Variants in DNAI7 observed in about 807,000 individuals in gnomAD.
The protein encoded by DNAI7 is cancer susceptibility 1.
DNAI7 carries 78 observed loss-of-function variants against 86.6 expected under a neutral mutation model. The observed-to-expected ratio is 0.90, with a 90% CI of 0.75 to 1.09. DNAI7 has a LOEUF of 1.09. Ranked by LOEUF, DNAI7 falls within the 50% of genes least tolerant of loss-of-function variation. The pLI, the probability that DNAI7 is intolerant of heterozygous loss-of-function variation, is 0.00. For synonymous variants in DNAI7, 274 were observed against 273.0 expected (o/e 1.00, Z -0.04); for missense variants, 753 against 810.2 (o/e 0.93, Z 0.86).
At chr12:25,128,190 C>T (rs1413346562) in intron 9 of DNAI7, among the ~76,000 whole-genome samples, 1 of 152,160 alleles carries the variant, frequency 6.6e-6, no homozygotes, top group Non-Finnish European at 1.5e-5. Flanking sequence ...TATTATCCAT[C>T]AACAGAAGAT....
chr12:25,166,740 C>G (rs564404283), intron 2 of DNAI7, among the ~76,000 whole-genome samples: 25 of 152,338 alleles, frequency 1.6e-4, no homozygotes, highest in African/African-American at 6.0e-4. Context: ...TGTAGCCTTT[C>G]TGTCCAACTT....
chr12:25,147,476 A>ACCCG (rs139493103), intron 7 of DNAI7, among the ~76,000 whole-genome samples: 6 of 148,114 alleles, frequency 4.1e-5, no homozygotes, highest in Non-Finnish European at 7.5e-5. Context: ...ACATAATGAG[A>ACCCG]CCACCCCCAT....
At chr12:25,134,891 G>A (rs1242041525) in intron 9 of DNAI7, among the ~76,000 whole-genome samples, 1 of 152,160 alleles carries the variant, frequency 6.6e-6, no homozygotes, top group Non-Finnish European at 1.5e-5. Context: ...TCACTATGCA[G>A]TCAGTATTGT....
At chr12:25,116,126 G>A (rs1940042702) in intron 12 of DNAI7, among the ~76,000 whole-genome samples, 2 of 147,020 alleles carry the variant, frequency 1.4e-5, no homozygotes, top group Non-Finnish European at 3.0e-5. Context: ...CATCTTTATA[G>A]GACAAATAAA....
Position 25,180,780 on chromosome 12 carries a change from T to TAACTC in DNAI7, c.21+9829_21+9833dup, listed in dbSNP as rs530216652. On this transcript the variant is annotated intron_variant, in intron 2 of 15. Coordinates refer to ENST00000395987, the MANE Select transcript of DNAI7 (RefSeq NM_018272.5). Reference sequence around the variant, plus strand: ...CCTAACTCTTAACATATATAAAAATTAACTCAAGATGGATTAAAGACTTAA... The same window carrying TAACTC: ...CCTAACTCTTAACATATATAAAAATTAACTCAACTCAAGATGGATTAAAGACTTAA... Among the ~76,000 whole-genome samples the TAACTC allele has an allele frequency of 3.2e-3, 494 of 152,150 alleles. 2 individuals are homozygous for TAACTC. Among genetic ancestry groups the TAACTC allele is most frequent in the African/African-American group, 0.012 (478 of 41,510 alleles).
At chr12:25,194,093 TA>T (rs1243284837) in intron 1 of DNAI7, among the ~76,000 whole-genome samples, 2 of 152,172 alleles carry the variant, frequency 1.3e-5, no homozygotes, top group Admixed American at 1.3e-4. Context: ...GTGCTGGGAT[TA>T]CAGGGGTGAG....
chr12:25,152,558 T>C (rs1198162604), intron 6 of DNAI7, among the ~76,000 whole-genome samples: 3 of 152,236 alleles, frequency 2.0e-5, no homozygotes, highest in Non-Finnish European at 4.4e-5. Context: ...CTTGTATCTT[T>C]TGTAATATCC....
intron 9 of DNAI7, among the ~76,000 whole-genome samples, chr12:25,142,993 G>A (rs1944388275): frequency 6.6e-6 from 1 of 152,088 alleles, no homozygotes; most frequent in South Asian, 2.1e-4. Context: ...AACTATCTGA[G>A]AGTTCACATG....
chr12:25,110,246 A>C lies in DNAI7; in HGVS notation c.1780-6T>G. 1.3e-6 allele frequency: 2 copies of C among 1,511,126 alleles called. No individual in the cohort carries two copies. Among genetic ancestry groups the C allele is most frequent in the South Asian group, 2.3e-5 (2 of 88,260 alleles). The allele number at this position is 1,511,126 out of a possible 1,614,324, so 93.6% of individuals were successfully genotyped here. A position where few individuals can be genotyped will look rare whatever the true frequency, so the allele number is the denominator to read the frequency against. ...TTCACTTCTACCAAAGGAACCTGTC[A>C]ATATAAAAACAAATAGAATTGATCT... On this transcript the variant is annotated splice_polypyrimidine_tract_variant and splice_region_variant and intron_variant, in intron 14 of 15. Coordinates refer to ENST00000395987, the MANE Select transcript of DNAI7 (RefSeq NM_018272.5).
At chr12:25,153,094 G>A (rs1287707939) in intron 6 of DNAI7, among the ~76,000 whole-genome samples, 2 of 151,910 alleles carry the variant, frequency 1.3e-5, no homozygotes, top group Non-Finnish European at 2.9e-5. Flanking sequence ...TCTCTGTGCT[G>A]TCTTCTGGTA....
At chr12:25,176,306 A>G (rs1202749499) in intron 2 of DNAI7, among the ~76,000 whole-genome samples, 1 of 152,112 alleles carries the variant, frequency 6.6e-6, no homozygotes, top group Non-Finnish European at 1.5e-5. Flanking sequence ...TTTAAATTAA[A>G]AAATTTATTT....
chr12:25,178,986 T>C (rs142136313), intron 2 of DNAI7, among the ~76,000 whole-genome samples: 298 of 152,256 alleles, frequency 2.0e-3, no homozygotes, highest in African/African-American at 6.5e-3. Context: ...CTAGGATCAT[T>C]AATTTTTAGC....
Position 25,158,554 on chromosome 12 carries a change from C to T in DNAI7, c.116G>A (p.Arg39His), listed in dbSNP as rs202093604. ...ERRLKEEEEARLKYEKEEMER... is the reference protein window; with the variant it reads ...ERRLKEEEEAHLKYEKEEMER... ...CATTTCTTCTTTCTCATATTTCAAA[C>T]GGGCTTCCTCTAAAGAACCAAAAAT... Residue 39 changes from arginine (R) to histidine (H), a missense_variant, in exon 4 of 16, where the codon CGT becomes CAT. Coordinates refer to ENST00000395987, the MANE Select transcript of DNAI7 (RefSeq NM_018272.5). 7.8e-5 allele frequency: 126 copies of T among 1,612,046 alleles called. 2 individuals are homozygous for T. In the African/African-American group the frequency reaches 1.2e-3, roughly 16 times the overall value.
intron 6 of DNAI7, among the ~76,000 whole-genome samples, chr12:25,152,760 G>C (rs1027073868): frequency 1.3e-5 from 2 of 152,174 alleles, no homozygotes; most frequent in African/African-American, 4.8e-5. Flanking sequence ...CTAGCTCTAA[G>C]TACTCAGTAC....
intron 14 of DNAI7, 86 bp from the exon 15 acceptor site, chr12:25,110,326 A>G: frequency 2.7e-6 from 2 of 735,696 alleles, no homozygotes; most frequent in East Asian, 2.5e-5. Context: ...TCTATTTTCA[A>G]CACAGACGGA....
At chr12:25,157,252 T>C (rs1339700006) in intron 4 of DNAI7, among the ~76,000 whole-genome samples, 1 of 125,398 alleles carries the variant, frequency 8.0e-6, no homozygotes, top group Non-Finnish European at 1.6e-5. Flanking sequence ...CACTCCAGCC[T>C]GGGCGACAGA....
chr12:25,144,307 G>A, intron 9 of DNAI7, 58 bp downstream of exon 9: 1 of 1,390,598 alleles, frequency 7.2e-7, no homozygotes, highest in South Asian at 1.3e-5. Context: ...CACTTTAAGG[G>A]AATCTAATAA....
At position 25,144,561 on chromosome 12, in the gene DNAI7, A is replaced by C; in HGVS notation, c.806T>G (p.Leu269Arg). 3.1e-6 allele frequency: 5 copies of C among 1,614,186 alleles called. No individual in the cohort carries two copies. In the South Asian group the frequency reaches 5.5e-5, roughly 18 times the overall value. ...LHTHYDHVSA[L>R]HPVSTPSKEY... ...TTTTGATGGTGTTGAAACAGGGTGCAGTGCAGAAACATGATCATAGTGGGT... is the reference window on the plus strand; with the variant it reads ...TTTTGATGGTGTTGAAACAGGGTGCCGTGCAGAAACATGATCATAGTGGGT... The change falls in exon 9 of 16, where the codon CTG becomes CGG. Residue 269 changes from leucine to arginine, a missense_variant. Leu to Arg is a moderately radical substitution (Grantham distance 102). Coordinates refer to ENST00000395987, the MANE Select transcript of DNAI7 (RefSeq NM_018272.5).
chr12:25,167,577 C>G (rs1022502191), intron 2 of DNAI7, among the ~76,000 whole-genome samples: 7 of 152,124 alleles, frequency 4.6e-5, no homozygotes, highest in African/African-American at 1.7e-4. Context: ...AGCGAACAAC[C>G]GCTGGCTTTG....
Sources: allele counts gnomAD v4.1 joint callset (sites outside exome capture counted in the v4.1 genomes callset), GRCh38; gene constraint gnomAD v4.1.1; transcripts MANE v1.5; gene names NCBI Gene and HGNC (gene_info 2026-07-23, HGNC 2026-07-21).